CCDC172: variants seen among roughly 807,000 people sequenced by gnomAD.
The protein encoded by CCDC172 is coiled-coil domain containing 172, also known as coiled-coil domain-containing protein 172.
In CCDC172, 30 loss-of-function variants were observed where a neutral mutation model predicts 38.0. The observed-to-expected ratio is 0.79, with a 90% CI of 0.59 to 1.07. The LOEUF (loss-of-function observed/expected upper bound fraction) is 1.07. Among genes scored for constraint, CCDC172 ranks in the 50% least tolerant of loss-of-function variants. CCDC172 has a pLI of 0.00. For synonymous variants in CCDC172, 78 were observed against 88.3 expected, an observed-to-expected ratio of 0.88 and a Z score of 0.66; for missense variants, 297 against 290.1, an observed-to-expected ratio of 1.02 and a Z score of -0.17.
Position 116,343,646 on chromosome 10 carries a change from A to G in CCDC172, c.448+1445A>G, listed in dbSNP as rs151283753. On this transcript the variant is annotated intron_variant, in intron 5 of 8. Transcript: ENST00000333254. ...TACTGCCTCTGTCCATTTCAGTCCA[A>G]GCTCACTGTGTTCATGTAAATACAG... Among the ~76,000 whole-genome samples the G allele has an allele frequency of 3.2e-3, 485 of 152,050 alleles. 1 individual carries two copies. The highest frequency in any genetic ancestry group is 0.011 in the African/African-American group (471 of 41,482).
chr10:116,346,351 C>T (rs1844867545), intron 5 of CCDC172, among the ~76,000 whole-genome samples: 1 of 147,442 alleles, frequency 6.8e-6, no homozygotes, highest in Non-Finnish European at 1.5e-5. Flanking sequence ...ATCTATGCAA[C>T]GGAATACTTG....
rs12573016 is a variant in CCDC172, at chr10:116,338,160, G to T, written c.166-2574G>T. The stretch of plus-strand genomic sequence containing the variant: ...TTGATCTGTTGATGTCCTTAACAAT[G>T]TGAAGCAGTATATTATAGGCCTCTA... On this transcript the variant is annotated intron_variant, in intron 3 of 8. Transcript: ENST00000333254. Among the ~76,000 whole-genome samples the T allele has an allele frequency of 2.3e-3, 343 of 152,228 alleles. 4 individuals are homozygous for T. The East Asian group carries it at 0.032, about 14-fold the overall frequency.
chr10:116,367,585 G>A (rs1471175295), intron 7 of CCDC172, among the ~76,000 whole-genome samples: 1 of 152,020 alleles, frequency 6.6e-6, no homozygotes, highest in African/African-American at 2.4e-5. Context: ...AGCTACTCAG[G>A]AGGCTGAGGC....
intron 6 of CCDC172, 86 bp from the exon 7 acceptor site, chr10:116,357,750 A>T: frequency 1.3e-6 from 1 of 759,256 alleles, no homozygotes; most frequent in South Asian, 1.8e-5. Context: ...AAGCACCAAA[A>T]ATTAGAGTAC....
At chr10:116,354,174 G>A (rs1013021716) in intron 5 of CCDC172, among the ~76,000 whole-genome samples, 2 of 152,074 alleles carry the variant, frequency 1.3e-5, no homozygotes, top group Admixed American at 1.3e-4. Context: ...TTTTGTGATC[G>A]CAGTGTAAAC....
intron 7 of CCDC172, among the ~76,000 whole-genome samples, chr10:116,370,423 T>G (rs1173830513): frequency 1.3e-5 from 2 of 151,902 alleles, no homozygotes; most frequent in Admixed American, 1.3e-4. Context: ...TTTATATCCA[T>G]TTGCAAATGA....
intron 7 of CCDC172, among the ~76,000 whole-genome samples, chr10:116,361,394 C>T (rs1845063060): frequency 1.3e-5 from 2 of 152,124 alleles, no homozygotes; most frequent in African/African-American, 4.8e-5. Context: ...TTAAACATTT[C>T]AGGAATTTTC....
chr10:116,329,987 CAA>C (rs1254320546), intron 3 of CCDC172, among the ~76,000 whole-genome samples: 2 of 152,258 alleles, frequency 1.3e-5, no homozygotes, highest in South Asian at 2.1e-4. Context: ...ACGATTGTCT[CAA>C]GAGAGAGCAT....
intron 5 of CCDC172, among the ~76,000 whole-genome samples, chr10:116,354,957 T>C (rs1844977378): frequency 6.6e-6 from 1 of 152,210 alleles, no homozygotes. Flanking sequence ...ATTTTACAAC[T>C]GTACTGTATA....
intron 7 of CCDC172, among the ~76,000 whole-genome samples, chr10:116,375,042 G>A (rs1845229285): frequency 6.6e-6 from 1 of 151,890 alleles, no homozygotes; most frequent in Non-Finnish European, 1.5e-5. Flanking sequence ...GCTTTTCTTT[G>A]TATTTCCCTG....
chr10:116,364,394 T>C (rs1845098904), intron 7 of CCDC172, among the ~76,000 whole-genome samples: 1 of 152,178 alleles, frequency 6.6e-6, no homozygotes, highest in Non-Finnish European at 1.5e-5. Context: ...AAACAAATTA[T>C]TATAAGCATC....
At chr10:116,348,575 T>C (rs1028355259) in intron 5 of CCDC172, among the ~76,000 whole-genome samples, 2 of 152,228 alleles carry the variant, frequency 1.3e-5, no homozygotes, top group African/African-American at 4.8e-5. Flanking sequence ...AGCCTATTCT[T>C]ACTCCTTGAG....
intron 7 of CCDC172, among the ~76,000 whole-genome samples, chr10:116,367,595 C>T (rs1159653376): frequency 6.6e-6 from 1 of 151,758 alleles, no homozygotes; most frequent in Non-Finnish European, 1.5e-5. Flanking sequence ...GAGGCTGAGG[C>T]AGGAGAATGG....
intron 5 of CCDC172, among the ~76,000 whole-genome samples, chr10:116,356,959 G>C (rs1451660707): frequency 6.6e-6 from 1 of 152,170 alleles, no homozygotes; most frequent in Non-Finnish European, 1.5e-5. Context: ...TAGTTGGCCA[G>C]GGGAAGCTAG....
Position 116,363,947 on chromosome 10 carries a change from A to AT in CCDC172, c.653+6009_653+6010insT, listed in dbSNP as rs1408071108. ...ACTTGGTCTCAAAAAAAAAAAAAAA[A>AT]AATAATAATAATAGATTTAAAGTTT... is the stretch of plus-strand genomic sequence containing the variant. On this transcript the variant is annotated intron_variant, in intron 7 of 8. Transcript: ENST00000333254. Among the ~76,000 whole-genome samples the AT allele has an allele frequency of 2.7e-3, 365 of 134,070 alleles. 1 individual carries two copies. The highest frequency in any genetic ancestry group is 7.5e-3 in the Middle Eastern group (2 of 266). 88.0% of individuals were successfully genotyped at this position (134,070 alleles called of 152,430 possible). A position where few individuals can be genotyped will look rare whatever the true frequency, so the allele number is the denominator to read the frequency against.
intron 5 of CCDC172, among the ~76,000 whole-genome samples, chr10:116,355,241 C>A (rs1157428994): frequency 6.6e-6 from 1 of 152,070 alleles, no homozygotes; most frequent in Non-Finnish European, 1.5e-5. Context: ...CATTTTTTAT[C>A]TTTTATACTG....
chr10:116,338,962 C>T (rs1844762737), intron 3 of CCDC172, among the ~76,000 whole-genome samples: 1 of 152,018 alleles, frequency 6.6e-6, no homozygotes, highest in Admixed American at 6.6e-5. Flanking sequence ...ATTAAACCCA[C>T]ATTTATCCAG....
At chr10:116,332,302 G>T (rs186027920) in intron 3 of CCDC172, among the ~76,000 whole-genome samples, 190 of 152,208 alleles carry the variant, frequency 1.2e-3, no homozygotes, top group African/African-American at 4.3e-3. Context: ...GTTTGGAGTA[G>T]AAAGTAAGTC....
chr10:116,347,880 C>T (rs2134934097), intron 5 of CCDC172, among the ~76,000 whole-genome samples: 1 of 152,228 alleles, frequency 6.6e-6, no homozygotes, highest in South Asian at 2.1e-4. Context: ...TTGAGACATT[C>T]ATATTTCCAA....
Sources: gnomAD v4.1 joint callset for allele counts (sites outside exome capture counted in the v4.1 genomes callset) on GRCh38, gnomAD v4.1.1 for gene constraint, MANE v1.5 for transcripts, NCBI Gene and HGNC (gene_info 2026-07-23, HGNC 2026-07-21) for gene names.